The following RGS18 variants were observed in gnomAD, a reference collection of about 807,000 sequenced individuals.
The protein encoded by RGS18 is regulator of G protein signaling 18.
A neutral mutation model predicts 27.6 loss-of-function variants in RGS18; 22 were observed. The ratio of observed to expected loss-of-function variants is 0.80; its 90% CI spans 0.57 to 1.14. The LOEUF is 1.14. Among genes scored for constraint, RGS18 ranks in the 50% most tolerant of loss-of-function variants. The pLI, the probability that RGS18 is intolerant of heterozygous loss-of-function variation, is 0.00. For missense variants in RGS18, 299 were observed against 269.6 expected (o/e 1.11, Z -0.76); for synonymous variants, 89 against 84.6 (o/e 1.05, Z -0.29).
chr1:192,178,345 C>T (rs1656392586), intron 3 of RGS18, among the ~76,000 whole-genome samples: 1 of 151,486 alleles, frequency 6.6e-6, no homozygotes, highest in Non-Finnish European at 1.5e-5. Flanking sequence ...ACTTGGAGCT[C>T]AGGAAAAAGG....
chr1:192,176,516 T>C (rs1656361143), intron 3 of RGS18, among the ~76,000 whole-genome samples: 1 of 151,664 alleles, frequency 6.6e-6, no homozygotes, highest in Non-Finnish European at 1.5e-5. Flanking sequence ...TTTTTTCTAG[T>C]TTTATAGTTA....
intron 3 of RGS18, among the ~76,000 whole-genome samples, chr1:192,172,864 C>T (rs7415897): frequency 2.2e-5 from 3 of 135,544 alleles, no homozygotes; most frequent in Admixed American, 7.5e-5. Context: ...GAAAAATATG[C>T]ATATATATAT....
At chr1:192,172,122 T>C (rs1156641161) in intron 3 of RGS18, among the ~76,000 whole-genome samples, 2 of 151,892 alleles carry the variant, frequency 1.3e-5, no homozygotes, top group African/African-American at 2.4e-5. Flanking sequence ...ACTGCTACGG[T>C]TTGGATGTAG....
intron 3 of RGS18, among the ~76,000 whole-genome samples, chr1:192,172,471 C>G (rs1656277437): frequency 6.6e-6 from 1 of 151,952 alleles, no homozygotes; most frequent in South Asian, 2.1e-4. Context: ...GCTTCTTATA[C>G]CACCGGCAGA....
At chr1:192,158,783 C>A in intron 1 of RGS18, 27 bp downstream of exon 1, 1 of 1,430,734 alleles carries the variant, frequency 7.0e-7, no homozygotes, top group Non-Finnish European at 9.5e-7. Context: ...TTAAGTCAGC[C>A]TTATACTTTT....
intron 3 of RGS18, chr1:192,168,517 A>T (rs749419412): frequency 1.3e-5 from 2 of 152,190 alleles, no homozygotes; most frequent in Non-Finnish European, 2.9e-5. Flanking sequence ...CTTTTGCATA[A>T]TATTTCAGAG....
intron 3 of RGS18, among the ~76,000 whole-genome samples, chr1:192,172,790 T>G (rs1220446578): frequency 6.6e-6 from 1 of 150,586 alleles, no homozygotes; most frequent in Non-Finnish European, 1.5e-5. Context: ...TTCCTGGAGA[T>G]TAGGGCATGA....
At chr1:192,176,362 A>C (rs949235160) in intron 3 of RGS18, among the ~76,000 whole-genome samples, 3 of 151,776 alleles carry the variant, frequency 2.0e-5, no homozygotes, top group Admixed American at 6.6e-5. Context: ...AAGACTTCTT[A>C]CTATGGTTAG....
At chr1:192,167,379 T>C (rs926270813) in intron 3 of RGS18, among the ~76,000 whole-genome samples, 1 of 152,048 alleles carries the variant, frequency 6.6e-6, no homozygotes. Flanking sequence ...GCTCTAAAAA[T>C]TTAAATTTCC....
chr1:192,176,385 T>G (rs1451362828), intron 3 of RGS18, among the ~76,000 whole-genome samples: 1 of 151,780 alleles, frequency 6.6e-6, no homozygotes, highest in Non-Finnish European at 1.5e-5. Context: ...TCCATCTTCA[T>G]GCGTACCAGT....
chr1:192,185,378 TA>T lies in RGS18; in HGVS notation c.*829del, dbSNP rs1009752762. ...ACTATTAGGCCATCAATGGCTTGAA[TA>T]AAAACCAGAGAAGGTTTTTCCCAGG... On this transcript the variant is annotated 3_prime_UTR_variant, in exon 5 of 5. Coordinates refer to ENST00000367460, the MANE Select transcript of RGS18 (RefSeq NM_130782.3). The T allele has an allele frequency of 3.3e-5, 5 of 151,670 alleles. No individual in the cohort carries two copies. Among genetic ancestry groups the T allele is most frequent in the Non-Finnish European group, 7.4e-5 (5 of 67,692 alleles). The allele number at this position is 151,670 out of a possible 1,614,324, so 9.4% of individuals were successfully genotyped here. A position where few individuals can be genotyped will look rare whatever the true frequency, so the allele number is the denominator to read the frequency against.
intron 3 of RGS18, among the ~76,000 whole-genome samples, chr1:192,172,864 CATATAT>C (rs549568195): frequency 0.011 from 1,445 of 135,536 alleles, 24 homozygotes; most frequent in African/African-American, 0.037. Context: ...GAAAAATATG[CATATAT>C]ATATATATAT....
chr1:192,171,412 T>C (rs1459245941), intron 3 of RGS18, among the ~76,000 whole-genome samples: 1 of 152,110 alleles, frequency 6.6e-6, no homozygotes, highest in Non-Finnish European at 1.5e-5. Flanking sequence ...ACAAGTTCTG[T>C]AAGTTGCTTG....
intron 1 of RGS18, 108 bp from the exon 2 acceptor site, chr1:192,159,112 G>T: frequency 4.4e-6 from 3 of 685,510 alleles, no homozygotes; most frequent in African/African-American, 1.8e-5. Flanking sequence ...GAGTGTGTGG[G>T]TATGGGTGGG....
chr1:192,164,116 G>A (rs1656121120), intron 3 of RGS18, among the ~76,000 whole-genome samples: 1 of 152,034 alleles, frequency 6.6e-6, no homozygotes, highest in South Asian at 2.1e-4. Flanking sequence ...GACAAAAACA[G>A]TTAATATTAG....
intron 3 of RGS18, among the ~76,000 whole-genome samples, chr1:192,163,847 G>A (rs1335975506): frequency 6.8e-6 from 1 of 147,048 alleles, no homozygotes; most frequent in Non-Finnish European, 1.5e-5. Context: ...GTAGAAAAGT[G>A]TGTGTGTGAA....
At position 192,178,830 on chromosome 1, in the gene RGS18, A is replaced by G. The variant is rs141366737; in HGVS notation, c.284-2462A>G. Among the ~76,000 whole-genome samples the G allele has an allele frequency of 7.4e-4, 112 of 151,788 alleles. 1 individual carries two copies. Among genetic ancestry groups the G allele is most frequent in the African/African-American group, 2.7e-3 (111 of 41,512 alleles). On this transcript the variant is annotated intron_variant, in intron 3 of 4. Transcript: ENST00000367460. ...TAATTTCTTGTAAGAAGATTAAAATATTTTAATGATATCAACATGTAAAGA... is the reference window on the plus strand; with the variant it reads ...TAATTTCTTGTAAGAAGATTAAAATGTTTTAATGATATCAACATGTAAAGA...
chr1:192,159,409 A>G, intron 2 of RGS18, 88 bp downstream of exon 2: 1 of 836,926 alleles, frequency 1.2e-6, no homozygotes, highest in Non-Finnish European at 2.0e-6. Flanking sequence ...TTTCTGATTT[A>G]TTGAAAATTA....
At chr1:192,159,360 A>G in intron 2 of RGS18, 39 bp downstream of exon 2, 1 of 1,348,062 alleles carries the variant, frequency 7.4e-7, no homozygotes, top group Non-Finnish European at 1.1e-6. Flanking sequence ...GATTTTGCTG[A>G]TTCTATCATT....
Sources: allele counts gnomAD v4.1 joint callset (sites outside exome capture counted in the v4.1 genomes callset), GRCh38; gene constraint gnomAD v4.1.1; transcripts MANE v1.5; gene names NCBI Gene and HGNC (gene_info 2026-07-23, HGNC 2026-07-21).